UNC45A: variants seen among roughly 807,000 people sequenced by gnomAD.
UNC45A encodes the protein unc-45 myosin chaperone A, also known as protein unc-45 homolog A.
Under a neutral mutation model 103.2 loss-of-function variants are expected in UNC45A, and 78 were observed. The observed-to-expected ratio is 0.76, with a 90% CI of 0.63 to 0.91. The LOEUF is 0.91. UNC45A is among the 40% of genes least tolerant of loss of function. The pLI is 0.00. For synonymous variants in UNC45A, 495 were observed against 504.6 expected, an observed-to-expected ratio of 0.98 and a Z score of 0.25; for missense variants, 1,193 against 1,224.8, an observed-to-expected ratio of 0.97 and a Z score of 0.39.
intron 7 of UNC45A, 52 bp downstream of exon 7, chr15:90,942,657 T>G (rs1262907641): frequency 1.2e-6 from 2 of 1,612,750 alleles, no homozygotes; most frequent in South Asian, 2.2e-5. Context: ...ATGGAAGGGA[T>G]GGGGCTGAGC....
upstream of UNC45A, chr15:90,931,442 T>A (rs2035786954): frequency 4.3e-6 from 7 of 1,612,028 alleles, no homozygotes; most frequent in Non-Finnish European, 5.9e-6. Context: ...TAGCGTGATG[T>A]CAAGGAAAGC....
At chr15:90,949,131 C>T (rs1188772101) in intron 13 of UNC45A, among the ~76,000 whole-genome samples, 185 bp from the exon 14 acceptor site, 2 of 152,162 alleles carry the variant, frequency 1.3e-5, no homozygotes, top group African/African-American at 2.4e-5. Flanking sequence ...CTGCCTCAGC[C>T]TCCCAAAGTG....
In UNC45A at chr15:90,950,147, C is replaced by T. The variant is rs1372296793; in HGVS notation, c.2074-7C>T. ...TGTCCTGAGCAGTGACGGGCTTGTT[C>T]CTACAGGCGCTGATCCCGCTGGCCC... On this transcript the variant is annotated splice_region_variant and splice_polypyrimidine_tract_variant and intron_variant, in intron 15 of 19. Coordinates refer to ENST00000418476, the MANE Select transcript of UNC45A (RefSeq NM_018671.5). 2.6e-6 allele frequency: 4 copies of T among 1,551,008 alleles called. No homozygotes were observed. The highest frequency in any genetic ancestry group is 2.4e-5 in the South Asian group (2 of 84,020).
intron 8 of UNC45A, among the ~76,000 whole-genome samples, chr15:90,943,692 T>TG (rs1449316935): frequency 1.3e-5 from 2 of 151,348 alleles, no homozygotes; most frequent in African/African-American, 4.9e-5. Flanking sequence ...TAGCTTTCTG[T>TG]ATTTTTTTTT....
chr15:90,940,362 C>T lies in UNC45A; in HGVS notation c.576C>T (p.Phe192=), dbSNP rs146517557. Residue 192 remains phenylalanine (F), a synonymous_variant, in exon 6 of 20, where the codon TTC becomes TTT. Coordinates refer to ENST00000418476, the MANE Select transcript of UNC45A (RefSeq NM_018671.5). The part of the protein sequence containing the change: ...AREDAGAEKI[F]RSNGVQLLQR... The stretch of plus-strand genomic sequence containing the variant: ...AGGATGCTGGAGCGGAGAAGATCTT[C>T]CGGAGTAATGGGGTTCAGCTCTTGC... The T allele has an allele frequency of 1.5e-5, 25 of 1,614,022 alleles. No homozygotes were observed. The African/African-American group carries it at 3.2e-4, about 21-fold the overall frequency.
chr15:90,932,556 G>C, upstream of UNC45A: 1 of 1,242,138 alleles, frequency 8.1e-7, no homozygotes, highest in Non-Finnish European at 1.0e-6. Flanking sequence ...GGATGGGGCC[G>C]ACGACTGCGG....
Position 90,940,291 on chromosome 15 carries a change from C to T in UNC45A, c.520-15C>T. The T allele has an allele frequency of 6.2e-7, 1 of 1,608,210 alleles. No homozygotes were observed. Among genetic ancestry groups the T allele is most frequent in the Non-Finnish European group, 8.5e-7 (1 of 1,176,610 alleles). On this transcript the variant is annotated splice_polypyrimidine_tract_variant and intron_variant, in intron 5 of 19. Transcript: ENST00000418476. ...TGTGCAGTGTCAACATTATAATGTGCTTCCTTTGACGCAGGCTTCTCAGAA... is the reference window on the plus strand; with the variant it reads ...TGTGCAGTGTCAACATTATAATGTGTTTCCTTTGACGCAGGCTTCTCAGAA...
At chr15:90,950,120 G>A (rs1384377212) in intron 15 of UNC45A, 34 bp from the exon 16 acceptor site, 1 of 1,544,796 alleles carries the variant, frequency 6.5e-7, no homozygotes, top group Non-Finnish European at 8.8e-7. Context: ...TACTCCCAGG[G>A]ATGTCCTGAG....
chr15:90,935,475 C>T, intron 1 of UNC45A, 69 bp from the exon 2 acceptor site: 2 of 1,575,326 alleles, frequency 1.3e-6, no homozygotes, highest in Non-Finnish European at 1.7e-6. Context: ...TCCCTCCTCT[C>T]CTCTCCCCTT....
At chr15:90,938,942 G>T (rs1349906005) in intron 4 of UNC45A, among the ~76,000 whole-genome samples, 1 of 152,022 alleles carries the variant, frequency 6.6e-6, no homozygotes, top group Non-Finnish European at 1.5e-5. Context: ...AAAGTGTTGG[G>T]ATTACAGGCG....
intron 15 of UNC45A, 121 bp from the exon 16 acceptor site, chr15:90,950,033 C>A: frequency 1.1e-6 from 1 of 916,372 alleles, no homozygotes; most frequent in Non-Finnish European, 1.7e-6. Flanking sequence ...AGGGTCTGCA[C>A]AGGGAGTCAA....
At chr15:90,952,120 C>T in intron 17 of UNC45A, 1 of 152,432 alleles carries the variant, frequency 6.6e-6, no homozygotes, top group Non-Finnish European at 1.5e-5. Flanking sequence ...AAATCCTCAG[C>T]CCAGGACTTG....
In UNC45A at chr15:90,946,695, C is replaced by T. The variant is rs949088045; in HGVS notation, c.1281C>T (p.Asp427=). The part of the protein sequence containing the change: ...TVSCLLQGPC[D]AGNRALELSG... ...CCTGCCTCCTGCAGGGCCCATGTGA[C>T]GCTGGCAACCGGGCCTTGGAGCTGA... The change falls in exon 10 of 20, where the codon GAC becomes GAT. Residue 427 remains aspartate, a synonymous_variant. Coordinates refer to ENST00000418476, the MANE Select transcript of UNC45A (RefSeq NM_018671.5). 160 of 1,612,610 alleles carry T rather than the reference C, an allele frequency of 9.9e-5. 1 individual carries two copies. Among genetic ancestry groups the T allele is most frequent in the Non-Finnish European group, 1.3e-4 (153 of 1,179,938 alleles).
In UNC45A at chr15:90,953,968, G is replaced by C. The variant is rs1332202254; in HGVS notation, c.*252G>C. The C allele has an allele frequency of 3.7e-6, 2 of 546,298 alleles. No individual in the cohort carries two copies. Among genetic ancestry groups the C allele is most frequent in the African/African-American group, 1.9e-5 (1 of 52,954 alleles). 33.8% of individuals were successfully genotyped at this position (546,298 alleles called of 1,614,324 possible). A position where few individuals can be genotyped will look rare whatever the true frequency, so the allele number is the denominator to read the frequency against. On this transcript the variant is annotated 3_prime_UTR_variant, in exon 20 of 20. Transcript: ENST00000418476. ...GTACTACTGTAGTCAGCTGGGAATG[G>C]GGAAGGTGCATCCCAACACAGCCTG...
chr15:90,949,184 C>A, intron 13 of UNC45A, 132 bp from the exon 14 acceptor site: 1 of 1,333,784 alleles, frequency 7.5e-7, no homozygotes, highest in Non-Finnish European at 1.0e-6. Context: ...CCAACAGCCT[C>A]CCTTTTAAGC....
At chr15:90,935,740 CGGGCCCCGGTTCGCCCATCT>C (rs780365717) in intron 2 of UNC45A, 35 bp downstream of exon 2, 1 of 1,533,110 alleles carries the variant, frequency 6.5e-7, no homozygotes, top group Non-Finnish European at 8.8e-7. Context: ...CTCGCCCGCC[CGGGCCCCGGTTCGCCCATCT>C]AAGCTGATGC....
At chr15:90,935,740 C>T (rs988221404) in intron 2 of UNC45A, 35 bp downstream of exon 2, 16 of 1,532,992 alleles carry the variant, frequency 1.0e-5, no homozygotes, top group African/African-American at 2.8e-5. Flanking sequence ...CTCGCCCGCC[C>T]GGGCCCCGGT....
At chr15:90,948,406 G>A in intron 12 of UNC45A, 123 bp downstream of exon 12, 11 of 1,453,822 alleles carry the variant, frequency 7.6e-6, no homozygotes, top group Non-Finnish European at 1.0e-5. Flanking sequence ...TGGTGGCTGA[G>A]TGGCTGCTCT....
chr15:90,935,747 C>T, intron 2 of UNC45A, 42 bp downstream of exon 2: 1 of 1,529,146 alleles, frequency 6.5e-7, no homozygotes, highest in Non-Finnish European at 8.8e-7. Context: ...GCCCGGGCCC[C>T]GGTTCGCCCA....
Sources: gnomAD v4.1 joint callset for allele counts (sites outside exome capture counted in the v4.1 genomes callset) on GRCh38, gnomAD v4.1.1 for gene constraint, MANE v1.5 for transcripts, NCBI Gene and HGNC (gene_info 2026-07-23, HGNC 2026-07-21) for gene names.